Variants in AATK observed in about 807,000 individuals in gnomAD.
The protein encoded by AATK is serine/threonine-protein kinase LMTK1.
AATK carries 91 observed loss-of-function variants against 114.3 expected under a neutral mutation model. That is an observed-to-expected ratio of 0.80 (90% confidence interval 0.67 to 0.95). AATK has a LOEUF of 0.95. AATK is among the 40% of genes least tolerant of loss of function. The pLI is 0.00. For synonymous variants in AATK, 1,075 were observed against 916.5 expected, an observed-to-expected ratio of 1.17 and a Z score of -3.12; for missense variants, 2,176 against 1,965.2, an observed-to-expected ratio of 1.11 and a Z score of -2.03.
chr17:81,125,228 C>T, intron 7 of AATK: 1 of 689,258 alleles, frequency 1.5e-6, no homozygotes, highest in Non-Finnish European at 2.7e-6. Context: ...GTGCCCAACC[C>T]TGAGACCTGG....
At chr17:81,136,926 G>A (rs1314684883) in intron 1 of AATK, among the ~76,000 whole-genome samples, 3 of 152,124 alleles carry the variant, frequency 2.0e-5, no homozygotes, top group Non-Finnish European at 4.4e-5. Context: ...GGGTCAGAGC[G>A]GCTGTCCGAA....
At position 81,119,256 on chromosome 17, in the gene AATK, AGGAGC is replaced by A. The variant is rs10655340; in HGVS notation, c.4084+119_4084+123del. ...GGGCCGGGAAGGAGCGGGGCCGGGAAGGAGCGGAGCGGAGCGGAGCCGGGGCTGGC... is the reference window on the plus strand; with the variant it reads ...GGGCCGGGAAGGAGCGGGGCCGGGAAGGAGCGGAGCGGAGCCGGGGCTGGC... On this transcript the variant is annotated intron_variant, in intron 13 of 13. Coordinates refer to ENST00000326724, the MANE Select transcript of AATK (RefSeq NM_001080395.3). The A allele has an allele frequency of 1.2e-4, 111 of 948,392 alleles. 2 individuals are homozygous for A. Among genetic ancestry groups the A allele is most frequent in the African/African-American group, 7.6e-4 (38 of 49,680 alleles). The allele number at this position is 948,392 out of a possible 1,614,324, so 58.7% of individuals were successfully genotyped here. A position where few individuals can be genotyped will look rare whatever the true frequency, so the allele number is the denominator to read the frequency against.
chr17:81,145,456 G>C (rs1463492528), intron 1 of AATK, among the ~76,000 whole-genome samples: 1 of 152,032 alleles, frequency 6.6e-6, no homozygotes, highest in Admixed American at 6.6e-5. Flanking sequence ...GTTCCGGCTG[G>C]GCACAGTGGC....
At chr17:81,125,077 G>T in intron 7 of AATK, 63 bp from the exon 8 acceptor site, 1 of 1,058,092 alleles carries the variant, frequency 9.5e-7, no homozygotes, top group Non-Finnish European at 1.4e-6. Flanking sequence ...CCGGGTGGGG[G>T]CAGGGGGAGG....
intron 1 of AATK, among the ~76,000 whole-genome samples, chr17:81,153,454 G>A (rs755145902): frequency 2.0e-4 from 30 of 152,296 alleles, no homozygotes; most frequent in East Asian, 5.8e-4. Flanking sequence ...AGGAACTTCC[G>A]TTTAAAGATG....
intron 9 of AATK, among the ~76,000 whole-genome samples, chr17:81,123,658 T>A (rs1444388194): frequency 2.1e-5 from 3 of 141,754 alleles, no homozygotes; most frequent in Non-Finnish European, 4.6e-5. Context: ...GTGTGGGAGC[T>A]GCCCTGGGGG....
chr17:81,126,028 C>T lies in AATK; in HGVS notation c.755+399G>A. On this transcript the variant is annotated intron_variant, in intron 7 of 13. Coordinates refer to ENST00000326724, the MANE Select transcript of AATK (RefSeq NM_001080395.3). The surrounding 1 kb of genome is among the most constrained non-coding windows in gnomAD (Gnocchi z 5.1). The stretch of plus-strand genomic sequence containing the variant: ...TTCCAGCATGTCCCCCCGGGGTCCC[C>T]AGGGGCTGGGCATCCTGGCCCAAGC... 1 of 481,070 alleles carries T rather than the reference C, an allele frequency of 2.1e-6. No homozygotes were observed. Among genetic ancestry groups the T allele is most frequent in the Non-Finnish European group, 4.3e-6 (1 of 235,050 alleles). 29.8% of individuals were successfully genotyped at this position (481,070 alleles called of 1,614,324 possible).
intron 1 of AATK, among the ~76,000 whole-genome samples, chr17:81,141,561 C>T (rs2061138953): frequency 6.6e-6 from 1 of 152,226 alleles, no homozygotes; most frequent in Non-Finnish European, 1.5e-5. Flanking sequence ...ACAGCCCTTC[C>T]AAGGGGCTCC....
At position 81,131,166 on chromosome 17, in the gene AATK, G is replaced by T. The variant is rs373920229; in HGVS notation, c.229C>A (p.Leu77Met). The change falls in exon 3 of 14, where the codon CTG (leucine) becomes ATG (methionine). Residue 77 changes from leucine to methionine, a missense_variant. Around this residue, in one of 4 missense-constraint regions of AATK, gnomAD observed 178 missense variants for 175.4 expected, o/e 1.01. Transcript: ENST00000326724. ...NAEGDEYAAD[L>M]AQGSPATAAQ... ...GCCGTGGCCGGGGAGCCCTGCGCCA[G>T]GTCGGCTGCGTACTCGTCCCCCTCC... The T allele has an allele frequency of 4.2e-5, 67 of 1,579,828 alleles. No individual in the cohort carries two copies. The African/African-American group carries it at 8.7e-4, about 21-fold the overall frequency.
At chr17:81,149,021 C>A (rs2061260513) in intron 1 of AATK, among the ~76,000 whole-genome samples, 1 of 152,188 alleles carries the variant, frequency 6.6e-6, no homozygotes, top group South Asian at 2.1e-4. Context: ...GGCAGCGACC[C>A]AGGCTCTGTC....
rs1197572396 is a variant in AATK, at chr17:81,154,377, GTGGC to G, written c.55+11557_55+11560del. Reference sequence around the variant, plus strand: ...GCTCTGTCACCCAGGCTGGAGCACAGTGGCACAATTTCAGCTCACTGCAACCTCC... The same window carrying G: ...GCTCTGTCACCCAGGCTGGAGCACAGACAATTTCAGCTCACTGCAACCTCC... On this transcript the variant is annotated intron_variant, in intron 1 of 13. Coordinates refer to ENST00000326724, the MANE Select transcript of AATK (RefSeq NM_001080395.3). Among the ~76,000 whole-genome samples the G allele has an allele frequency of 3.7e-5, 5 of 134,220 alleles. No homozygotes were observed. The East Asian group carries it at 1.2e-3, about 32-fold the overall frequency. The allele number at this position is 134,220 out of a possible 152,430, so 88.1% of individuals were successfully genotyped here.
Position 81,126,290 on chromosome 17 carries a change from G to T in AATK, c.755+137C>A. The T allele has an allele frequency of 8.8e-7, 1 of 1,141,914 alleles. No individual in the cohort carries two copies. The highest frequency in any genetic ancestry group is 1.2e-6 in the Non-Finnish European group (1 of 827,460). The allele number at this position is 1,141,914 out of a possible 1,614,324, so 70.7% of individuals were successfully genotyped here. Reference sequence around the variant, plus strand: ...AAACGTCATAAAATCCCTCTGCATAGTGGTTGTCTGATGCTGCATGAGATG... The same window carrying T: ...AAACGTCATAAAATCCCTCTGCATATTGGTTGTCTGATGCTGCATGAGATG... On this transcript the variant is annotated intron_variant, in intron 7 of 13. Transcript: ENST00000326724. This position sits in a 1 kb window ranked among gnomAD's most constrained non-coding sequence, Gnocchi z 5.1.
rs1030469950 is a variant in AATK, at chr17:81,119,525, G to A, written c.3939C>T (p.Phe1313=). ...GTGCGGCCGGGTCTAGGGCCATGGCGAAGGCTGCCTTGGCCGTCATCAGCG... is the reference window on the plus strand; with the variant it reads ...GTGCGGCCGGGTCTAGGGCCATGGCAAAGGCTGCCTTGGCCGTCATCAGCG... The part of the protein sequence containing the change: ...DFPLMTAKAA[F]AMALDPAAPA... Residue 1313 remains phenylalanine (F), a synonymous_variant, in exon 13 of 14, where the codon TTC becomes TTT. Coordinates refer to ENST00000326724, the MANE Select transcript of AATK (RefSeq NM_001080395.3). 28 of 1,572,774 alleles carry A rather than the reference G, an allele frequency of 1.8e-5. No individual in the cohort carries two copies. The East Asian group carries it at 2.4e-4, about 13-fold the overall frequency.
At chr17:81,144,932 C>T (rs1256839708) in intron 1 of AATK, among the ~76,000 whole-genome samples, 1 of 152,206 alleles carries the variant, frequency 6.6e-6, no homozygotes, top group Non-Finnish European at 1.5e-5. Context: ...TTCCACACTC[C>T]ATGAAAAGCC....
At position 81,119,445 on chromosome 17, in the gene AATK, G is replaced by A; in HGVS notation, c.4019C>T (p.Ser1340Leu). ...TPAPFSRFTV[S>L]PAPTSRFSIT... ...GGAGAAGCGGGACGTGGGCGCGGGC[G>A]ACACCGTGAAGCGCGAGAAGGGAGC... The change falls in exon 13 of 14, where the codon TCG (serine) becomes TTG (leucine). Residue 1340 changes from serine (S) to leucine (L), a missense_variant. Physicochemically the swap from Ser to Leu is moderately radical, Grantham distance 145 (BLOSUM62 -2). Transcript: ENST00000326724. 3.3e-6 allele frequency: 5 copies of A among 1,518,982 alleles called. No homozygotes were observed. The highest frequency in any genetic ancestry group is 1.3e-5 in the South Asian group (1 of 79,564). 94.1% of individuals were successfully genotyped at this position (1,518,982 alleles called of 1,614,324 possible).
intron 1 of AATK, among the ~76,000 whole-genome samples, chr17:81,150,278 A>G (rs996938433): frequency 2.0e-5 from 3 of 151,886 alleles, no homozygotes; most frequent in African/African-American, 7.2e-5. Context: ...ACCTCAATAC[A>G]TTTTTTTAAG....
intron 4 of AATK, 71 bp downstream of exon 4, chr17:81,128,399 G>A (rs1385143409): frequency 2.2e-6 from 3 of 1,348,640 alleles, no homozygotes; most frequent in Non-Finnish European, 3.1e-6. Context: ...CTCCTAGGAG[G>A]AGCAGGTCTG....
At chr17:81,149,719 C>G (rs1195312791) in intron 1 of AATK, among the ~76,000 whole-genome samples, 2 of 152,190 alleles carry the variant, frequency 1.3e-5, no homozygotes, top group African/African-American at 4.8e-5. Flanking sequence ...AGCTCTGCCC[C>G]CTGCTCACGC....
chr17:81,142,976 G>C (rs2061160370), intron 1 of AATK, among the ~76,000 whole-genome samples: 1 of 152,252 alleles, frequency 6.6e-6, no homozygotes, highest in East Asian at 1.9e-4. Flanking sequence ...GAACAGGGAG[G>C]CCAGCTCCAG....
Sources: gnomAD v4.1 joint callset for allele counts (sites outside exome capture counted in the v4.1 genomes callset) on GRCh38, gnomAD v4.1.1 for gene constraint, gnomAD v4.1.1 regional missense constraint, Gnocchi (gnomAD v3.1) non-coding constraint, MANE v1.5 for transcripts, NCBI Gene and HGNC (gene_info 2026-07-23, HGNC 2026-07-21) for gene names.